Variants in CEP164 observed in about 807,000 individuals in gnomAD.
CEP164 encodes centrosomal protein of 164 kDa.
A neutral mutation model predicts 182.7 loss-of-function variants in CEP164; 162 were observed. The ratio of observed to expected loss-of-function variants is 0.89; its 90% CI spans 0.78 to 1.01. CEP164 has a LOEUF of 1.01. Among genes scored for constraint, CEP164 ranks in the 50% least tolerant of loss-of-function variants. The pLI, the probability that CEP164 is intolerant of heterozygous loss-of-function variation, is 0.00. For synonymous variants in CEP164, 661 were observed against 690.0 expected (o/e 0.96, Z 0.66); for missense variants, 1,735 against 1,790.4 (o/e 0.97, Z 0.56).
intron 17 of CEP164, 95 bp downstream of exon 17, chr11:117,391,310 G>GT: frequency 8.0e-7 from 1 of 1,247,058 alleles, no homozygotes; most frequent in African/African-American, 1.5e-5. Flanking sequence ...CAAGTCTCGG[G>GT]TGGGCGTGCA....
intron 2 of CEP164, chr11:117,336,315 G>T (rs1432086366): frequency 1.7e-5 from 25 of 1,503,364 alleles, no homozygotes; most frequent in Non-Finnish European, 2.2e-5. Context: ...GCATCTTCTT[G>T]TCCGCTGTCA....
intron 23 of CEP164, 83 bp from the exon 24 acceptor site, chr11:117,395,464 C>T: frequency 6.9e-7 from 1 of 1,441,734 alleles, no homozygotes; most frequent in Non-Finnish European, 9.3e-7. Flanking sequence ...CCTCCTTTGG[C>T]TTCCCTACCC....
chr11:117,331,552 G>C (rs1460260467), intron 1 of CEP164, among the ~76,000 whole-genome samples: 2 of 152,152 alleles, frequency 1.3e-5, no homozygotes, highest in Non-Finnish European at 2.9e-5. Context: ...GGCTGAGAGA[G>C]GTGAAGCACC....
At chr11:117,396,234 T>G in intron 25 of CEP164, 54 bp downstream of exon 25, 1 of 1,568,304 alleles carries the variant, frequency 6.4e-7, no homozygotes, top group Non-Finnish European at 8.7e-7. Flanking sequence ...TGTGGGGCAT[T>G]GGGAGGGGCT....
chr11:117,412,365 T>A lies in CEP164; in HGVS notation c.*197T>A. The A allele has an allele frequency of 1.9e-6, 1 of 517,062 alleles. No homozygotes were observed. Among genetic ancestry groups the A allele is most frequent in the Non-Finnish European group, 3.4e-6 (1 of 291,242 alleles). The allele number at this position is 517,062 out of a possible 1,614,324, so 32.0% of individuals were successfully genotyped here. On this transcript the variant is annotated 3_prime_UTR_variant, in exon 33 of 33. Transcript: ENST00000278935. The stretch of plus-strand genomic sequence containing the variant: ...CTATATAACCTATCTCAGGCTAAAA[T>A]GTGTGGACTCGTACGAGCTCTTGTC...
chr11:117,395,801 C>T, intron 24 of CEP164, 79 bp downstream of exon 24: 1 of 1,487,958 alleles, frequency 6.7e-7, no homozygotes, highest in Non-Finnish European at 9.1e-7. Flanking sequence ...TGTCATGGCC[C>T]AGTTAATAGG....
At chr11:117,359,450 T>C (rs1314945674) in intron 5 of CEP164, 6 of 985,344 alleles carry the variant, frequency 6.1e-6, no homozygotes, top group Non-Finnish European at 7.2e-6. Context: ...ATTGTGGACC[T>C]GCAGAAGCTC....
intron 30 of CEP164, 56 bp downstream of exon 30, chr11:117,410,021 TC>T: frequency 6.7e-7 from 1 of 1,483,012 alleles, no homozygotes; most frequent in Non-Finnish European, 9.4e-7. Context: ...TCCTCTTCCT[TC>T]CTTTTCTTCT....
intron 14 of CEP164, among the ~76,000 whole-genome samples, chr11:117,383,617 C>A (rs2043594390): frequency 1.3e-5 from 2 of 152,232 alleles, no homozygotes; most frequent in African/African-American, 2.4e-5. Context: ...ATTTAGAAAT[C>A]ATTTAGCTTT....
chr11:117,397,853 C>T (rs766082187), intron 27 of CEP164, among the ~76,000 whole-genome samples: 2 of 152,148 alleles, frequency 1.3e-5, no homozygotes, highest in African/African-American at 2.4e-5. Context: ...TTGGTGGGGA[C>T]ACAGAGCCAA....
chr11:117,338,108 G>T (rs532928374), intron 2 of CEP164, among the ~76,000 whole-genome samples: 32 of 152,166 alleles, frequency 2.1e-4, no homozygotes, highest in African/African-American at 6.3e-4. Context: ...CCACTGGATT[G>T]TAAGCTTCCT....
chr11:117,393,254 G>A (rs888135114), intron 20 of CEP164, 128 bp downstream of exon 20: 5 of 1,410,880 alleles, frequency 3.5e-6, no homozygotes, highest in African/African-American at 2.8e-5. Context: ...CCACCTGGCT[G>A]TGGGGCAGAG....
intron 27 of CEP164, among the ~76,000 whole-genome samples, chr11:117,407,072 G>A (rs1420489913): frequency 2.6e-5 from 4 of 152,114 alleles, no homozygotes; most frequent in Non-Finnish European, 5.9e-5. Flanking sequence ...ACTCCAGCAT[G>A]GGTGACAGAG....
intron 17 of CEP164, 92 bp downstream of exon 17, chr11:117,391,307 C>T (rs1370866303): frequency 1.9e-5 from 24 of 1,261,320 alleles, no homozygotes; most frequent in Non-Finnish European, 2.4e-5. Flanking sequence ...GGGCAAGTCT[C>T]GGGTGGGCGT....
chr11:117,327,405 T>C (rs1467072336), upstream of CEP164, among the ~76,000 whole-genome samples: 9 of 151,888 alleles, frequency 5.9e-5, no homozygotes, highest in Admixed American at 2.6e-4. Context: ...ATAAATACTC[T>C]AAATAGTCCT....
At position 117,371,304 on chromosome 11, in the gene CEP164, C is replaced by T. The variant is rs764446836; in HGVS notation, c.990C>T (p.Pro330=). 2 of 1,614,162 alleles carry T rather than the reference C, an allele frequency of 1.2e-6. No homozygotes were observed. The highest frequency in any genetic ancestry group is 1.1e-5 in the South Asian group (1 of 91,084). ...EPKICRNLVT[P]KADPTGSEPA... ...AGATTTGCAGGAATCTGGTGACCCC[C>T]AAGGCAGACCCTACAGGCAGTGAGC... Residue 330 remains proline (P), a synonymous_variant, in exon 9 of 33, where the codon CCC becomes CCT. Coordinates refer to ENST00000278935, the MANE Select transcript of CEP164 (RefSeq NM_014956.5).
intron 28 of CEP164, 53 bp from the exon 29 acceptor site, chr11:117,408,837 G>A: frequency 6.2e-7 from 1 of 1,606,364 alleles, no homozygotes; most frequent in Non-Finnish European, 8.5e-7. Flanking sequence ...GAAAAAGGAA[G>A]GGTAGAAAGC....
intron 5 of CEP164, among the ~76,000 whole-genome samples, chr11:117,353,794 T>G (rs1019008573): frequency 6.6e-6 from 1 of 152,110 alleles, no homozygotes; most frequent in Non-Finnish European, 1.5e-5. Flanking sequence ...TGTGAATGTT[T>G]GTAGAGGAGT....
At position 117,394,374 on chromosome 11, in the gene CEP164, C is replaced by T; in HGVS notation, c.2641C>T (p.Leu881=). The T allele has an allele frequency of 6.2e-7, 1 of 1,607,612 alleles. No individual in the cohort carries two copies. Among genetic ancestry groups the T allele is most frequent in the Non-Finnish European group, 8.5e-7 (1 of 1,177,396 alleles). Residue 881 remains leucine, a synonymous_variant, in exon 21 of 33, where the codon CTG becomes TTG. Coordinates refer to ENST00000278935, the MANE Select transcript of CEP164 (RefSeq NM_014956.5). This position sits in a 1 kb window ranked among gnomAD's most constrained non-coding sequence, Gnocchi z 4.0. The part of the protein sequence containing the change: ...AEERKQRAEL[L]GHLTGELERL... ...GGAGAGGAAGCAGCGGGCTGAGCTTCTGGGGCACCTGACCGGAGAGCTGGA... is the reference window on the plus strand; with the variant it reads ...GGAGAGGAAGCAGCGGGCTGAGCTTTTGGGGCACCTGACCGGAGAGCTGGA...
Sources: allele counts gnomAD v4.1 joint callset (sites outside exome capture counted in the v4.1 genomes callset), GRCh38; gene constraint gnomAD v4.1.1; non-coding constraint Gnocchi (gnomAD v3.1); transcripts MANE v1.5; gene names NCBI Gene and HGNC (gene_info 2026-07-23, HGNC 2026-07-21).